Variants in CELF4 observed in about 807,000 individuals in gnomAD.
CELF4 encodes CUG-BP- and ETR-3-like factor 4.
CELF4 carries 18 observed loss-of-function variants against 59.9 expected under a neutral mutation model. The observed-to-expected ratio is 0.30, with a 90% confidence interval of 0.21 to 0.45. The LOEUF (loss-of-function observed/expected upper bound fraction) is 0.45, where lower values mean the gene tolerates loss of function less well. Among genes scored for constraint, CELF4 ranks in the 20% least tolerant of loss-of-function variants. The pLI is 1.00. For missense variants in CELF4, 456 were observed against 689.0 expected (o/e 0.66, Z 3.79); for synonymous variants, 261 against 267.1 (o/e 0.98, Z 0.22).
chr18:37,487,634 C>G (rs1040217798), intron 1 of CELF4, among the ~76,000 whole-genome samples: 1 of 152,180 alleles, frequency 6.6e-6, no homozygotes, highest in Non-Finnish European at 1.5e-5. Context: ...TCTTTCCTCC[C>G]GTCCCCTTGT....
intron 2 of CELF4, among the ~76,000 whole-genome samples, chr18:37,390,765 A>G (rs758876656): frequency 6.1e-5 from 5 of 81,576 alleles, no homozygotes; most frequent in Non-Finnish European, 1.2e-4. Context: ...CCTGCTGAAG[A>G]GCTGGGTGGA....
intron 2 of CELF4, among the ~76,000 whole-genome samples, chr18:37,387,726 T>C (rs2099114523): frequency 6.6e-6 from 1 of 152,246 alleles, no homozygotes; most frequent in African/African-American, 2.4e-5. Context: ...GACTTTGTTT[T>C]GCAGCATCCT....
chr18:37,385,459 G>A (rs2099089426), intron 2 of CELF4, among the ~76,000 whole-genome samples: 1 of 152,036 alleles, frequency 6.6e-6, no homozygotes, highest in Non-Finnish European at 1.5e-5. Flanking sequence ...AAGGGAAGTA[G>A]GGGTTGCTAC....
At chr18:37,544,252 C>T (rs1335822355) in intron 1 of CELF4, among the ~76,000 whole-genome samples, 4 of 151,376 alleles carry the variant, frequency 2.6e-5, no homozygotes, top group East Asian at 1.9e-4. Context: ...CTGCGTTCCA[C>T]GTTCACAAGC....
At chr18:37,329,852 TG>T (rs1451660227) in intron 2 of CELF4, among the ~76,000 whole-genome samples, 12 of 152,146 alleles carry the variant, frequency 7.9e-5, no homozygotes, top group Non-Finnish European at 1.8e-4. Flanking sequence ...TGTGGCCACA[TG>T]GGGTGGCCTG....
chr18:37,565,345 G>T lies in CELF4; in HGVS notation c.286+11C>A. On this transcript the variant is annotated intron_variant, in intron 1 of 12. Transcript: ENST00000420428. ...CTCCCCGGCAAAGTTGGGAGGGAAA[G>T]GTGTACTCACCTTTGTGCATGCCTG... is the stretch of plus-strand genomic sequence containing the variant. 1 of 1,484,796 alleles carries T rather than the reference G, an allele frequency of 6.7e-7. No homozygotes were observed. The allele number at this position is 1,484,796 out of a possible 1,614,324, so 92.0% of individuals were successfully genotyped here.
intron 2 of CELF4, among the ~76,000 whole-genome samples, chr18:37,371,857 G>A (rs1233406061): frequency 6.6e-6 from 1 of 152,212 alleles, no homozygotes; most frequent in Non-Finnish European, 1.5e-5. Flanking sequence ...CAAGGTTCTT[G>A]GGCCAGAAAG....
intron 3 of CELF4, among the ~76,000 whole-genome samples, chr18:37,295,870 G>T (rs1386741269): frequency 6.6e-6 from 1 of 152,226 alleles, no homozygotes; most frequent in Non-Finnish European, 1.5e-5. Context: ...GGGTTCATCA[G>T]CAGGCTGTGT....
intron 2 of CELF4, among the ~76,000 whole-genome samples, chr18:37,437,542 C>T (rs189878107): frequency 5.3e-5 from 8 of 152,332 alleles, no homozygotes; most frequent in African/African-American, 1.9e-4. Flanking sequence ...TTGGCCAGCA[C>T]TCTGCTTCCC....
At chr18:37,520,061 A>G (rs2099955548) in intron 1 of CELF4, among the ~76,000 whole-genome samples, 1 of 152,280 alleles carries the variant, frequency 6.6e-6, no homozygotes, top group South Asian at 2.1e-4. Context: ...GAGAGCTTGC[A>G]TTACCCAAGC....
At chr18:37,409,380 C>T (rs2099415516) in intron 2 of CELF4, among the ~76,000 whole-genome samples, 1 of 152,154 alleles carries the variant, frequency 6.6e-6, no homozygotes, top group Non-Finnish European at 1.5e-5. Flanking sequence ...GGGGGTATTG[C>T]AGTCCCCCAA....
chr18:37,354,064 A>G (rs2154556183), intron 2 of CELF4, among the ~76,000 whole-genome samples: 1 of 151,678 alleles, frequency 6.6e-6, no homozygotes, highest in East Asian at 1.9e-4. Context: ...CTGTGGGGGG[A>G]CCAGTTCTTA....
chr18:37,534,125 G>A (rs367679961), intron 1 of CELF4, among the ~76,000 whole-genome samples: 1 of 152,166 alleles, frequency 6.6e-6, no homozygotes, highest in Non-Finnish European at 1.5e-5. Context: ...GCATCAGAGC[G>A]GCGTTTCCCG....
At chr18:37,527,863 A>T (rs1421097634) in intron 1 of CELF4, among the ~76,000 whole-genome samples, 1 of 152,128 alleles carries the variant, frequency 6.6e-6, no homozygotes, top group Non-Finnish European at 1.5e-5. Flanking sequence ...GCTGCACTGC[A>T]TTTGATTTCA....
chr18:37,309,204 A>G (rs2154483809), intron 3 of CELF4, among the ~76,000 whole-genome samples: 1 of 152,302 alleles, frequency 6.6e-6, no homozygotes, highest in Non-Finnish European at 1.5e-5. Flanking sequence ...AGGTGTCAGC[A>G]CCCCAGCACA....
intron 2 of CELF4, among the ~76,000 whole-genome samples, chr18:37,480,317 T>C (rs1179972977): frequency 5.7e-4 from 86 of 152,146 alleles, no homozygotes; most frequent in Non-Finnish European, 1.5e-4. Flanking sequence ...ACCAACACTG[T>C]GCCTACAGGA....
chr18:37,258,473 G>A (rs2071707877), intron 11 of CELF4, among the ~76,000 whole-genome samples: 1 of 152,142 alleles, frequency 6.6e-6, no homozygotes, highest in Non-Finnish European at 1.5e-5. Flanking sequence ...AGATTTCACT[G>A]CTATAAACAT....
chr18:37,451,783 G>A (rs2099764826), intron 2 of CELF4, among the ~76,000 whole-genome samples: 1 of 152,200 alleles, frequency 6.6e-6, no homozygotes, highest in Non-Finnish European at 1.5e-5. Context: ...TGCTGGTGCT[G>A]TTCCCTCACA....
intron 3 of CELF4, among the ~76,000 whole-genome samples, chr18:37,299,510 G>A (rs1165287349): frequency 1.3e-5 from 2 of 152,026 alleles, no homozygotes; most frequent in Non-Finnish European, 2.9e-5. Context: ...TCAGAATGTC[G>A]GGCTCACAGG....
Sources: allele counts gnomAD v4.1 joint callset (sites outside exome capture counted in the v4.1 genomes callset), GRCh38; gene constraint gnomAD v4.1.1; transcripts MANE v1.5; gene names NCBI Gene and HGNC (gene_info 2026-07-23, HGNC 2026-07-21).